Variants in DCTN3 observed in about 807,000 individuals in gnomAD.
DCTN3 encodes dynactin subunit 3, also known as dynactin 3 (p22).
Under a neutral mutation model 28.4 loss-of-function variants are expected in DCTN3, and 25 were observed. The observed-to-expected ratio is 0.88, with a 90% CI of 0.64 to 1.23. The LOEUF is 1.23. Among genes scored for constraint, DCTN3 ranks in the 50% most tolerant of loss-of-function variants. The probability of loss-of-function intolerance (pLI) is 0.00; values close to 1 mark genes in which losing one functional copy is unlikely to be tolerated. For synonymous variants in DCTN3, 81 were observed against 91.4 expected (o/e 0.89, Z 0.65); for missense variants, 229 against 232.0 (o/e 0.99, Z 0.08).
chr9:34,619,169 G>A (rs1366772151), intron 1 of DCTN3, among the ~76,000 whole-genome samples: 1 of 152,190 alleles, frequency 6.6e-6, no homozygotes, highest in South Asian at 2.1e-4. Context: ...AGATGGAAGA[G>A]TCCAAACAAC....
chr9:34,613,696 GCT>G lies in DCTN3; in HGVS notation c.*84_*85del, dbSNP rs1419961122. 16 of 1,564,148 alleles carry G rather than the reference GCT, an allele frequency of 1.0e-5. No homozygotes were observed. Among genetic ancestry groups the G allele is most frequent in the Non-Finnish European group, 1.3e-5 (15 of 1,150,672 alleles). On this transcript the variant is annotated 3_prime_UTR_variant, in exon 7 of 7. Coordinates refer to ENST00000259632, the MANE Select transcript of DCTN3 (RefSeq NM_007234.5). ...GGGCCTTGAAGCCAATAAATACAAA[GCT>G]TCCTCTGCCTTGTAACAAAGGCAGG...
intron 1 of DCTN3, among the ~76,000 whole-genome samples, chr9:34,620,077 C>G (rs1820517574): frequency 6.6e-6 from 1 of 152,202 alleles, no homozygotes; most frequent in Non-Finnish European, 1.5e-5. Context: ...TATTGAAACT[C>G]TCATTAGTCA....
intron 2 of DCTN3, 59 bp from the exon 3 acceptor site, chr9:34,618,030 G>T (rs1451064376): frequency 2.8e-5 from 44 of 1,546,948 alleles, no homozygotes; most frequent in Non-Finnish European, 3.7e-5. Flanking sequence ...TCTGCCTTAT[G>T]AAGGATGTTT....
chr9:34,618,684 T>G lies in DCTN3; in HGVS notation c.173A>C (p.Tyr58Ser). ...ATCATGGAAGCACTTACTCTTTTTG[T>G]AGAGAATCTTCACCCTCTCCCTCTT... ...SSKRERVKIL[Y>S]KKIEDLIKYL... The change falls in exon 2 of 7, where the codon TAC becomes TCC. Residue 58 changes from tyrosine (Y) to serine (S), a missense_variant. Tyr to Ser is a moderately radical substitution (Grantham distance 144). Transcript: ENST00000259632. 1 of 1,613,932 alleles carries G rather than the reference T, an allele frequency of 6.2e-7. No homozygotes were observed. Among genetic ancestry groups the G allele is most frequent in the Non-Finnish European group, 8.5e-7 (1 of 1,179,822 alleles).
At chr9:34,620,243 C>T (rs920723398) in intron 1 of DCTN3, 126 bp downstream of exon 1, 5 of 869,510 alleles carry the variant, frequency 5.8e-6, no homozygotes, top group Admixed American at 2.2e-5. Flanking sequence ...TGGGAGGTCC[C>T]GGACCTTTGT....
Position 34,617,979 on chromosome 9 carries a change from A to G in DCTN3, c.182-8T>C. On this transcript the variant is annotated splice_polypyrimidine_tract_variant and splice_region_variant and intron_variant, in intron 2 of 6. Coordinates refer to ENST00000259632, the MANE Select transcript of DCTN3 (RefSeq NM_007234.5). The stretch of plus-strand genomic sequence containing the variant: ...ACTTGATCAGATCTTCAACTAGAAA[A>G]GTAGCAAGATGGAAAATGGAATAGG... 6.2e-7 allele frequency: 1 copy of G among 1,612,016 alleles called. No homozygotes were observed. Among genetic ancestry groups the G allele is most frequent in the Non-Finnish European group, 8.5e-7 (1 of 1,178,344 alleles).
chr9:34,614,919 GT>G, intron 4 of DCTN3, 151 bp from the exon 5 acceptor site: 13 of 889,672 alleles, frequency 1.5e-5, no homozygotes, highest in Non-Finnish European at 2.3e-5. Context: ...GGAGGTGGCA[GT>G]GGGGCTCCCT....
rs1287524471 is a variant in DCTN3 at position 34,618,748 on chromosome 9, G to A, written c.109C>T (p.Leu37=). 3.7e-6 allele frequency: 6 copies of A among 1,614,100 alleles called. No individual in the cohort carries two copies. The South Asian group carries it at 5.5e-5, about 15-fold the overall frequency. Residue 37 remains leucine (L), a synonymous_variant, in exon 2 of 7, where the codon CTG becomes TTG. Transcript: ENST00000259632. ...CCCAAAGCCACCTGCACCTTGACCA[G>A]GCCGTCAGCCACCTGTAAGGGAAGT... ...ARGSRKVADG[L]VKVQVALGNI... is the part of the protein sequence containing the mutation.
At chr9:34,613,968 G>C in intron 6 of DCTN3, 74 bp downstream of exon 6, 2 of 1,608,106 alleles carry the variant, frequency 1.2e-6, no homozygotes, top group Admixed American at 1.7e-5. Flanking sequence ...GGATGAGAGA[G>C]AGCTAGAGGT....
Position 34,620,443 on chromosome 9 carries a change from G to A in DCTN3, c.22C>T (p.Gln8Ter). 3 of 1,555,008 alleles carry A rather than the reference G, an allele frequency of 1.9e-6. No individual in the cohort carries two copies. Among genetic ancestry groups the A allele is most frequent in the Non-Finnish European group, 2.6e-6 (3 of 1,150,018 alleles). ...TCTTCCACTCGGGCCTGTAGCCGCT[G>A]CAAGTCAGTCAGACCCGCCATCGCT... MAGLTDL[Q>*]RLQARVEELE... The change falls in exon 1 of 7, where the codon CAG (glutamine) becomes TAG (stop). Residue 8 changes from glutamine (Q) to a stop codon, truncating the protein, a stop_gained. Coordinates refer to ENST00000259632, the MANE Select transcript of DCTN3 (RefSeq NM_007234.5). LOFTEE classifies it high-confidence loss of function.
At chr9:34,613,958 GGAT>G (rs1820361602) in intron 6 of DCTN3, 81 bp downstream of exon 6, 1 of 1,610,672 alleles carries the variant, frequency 6.2e-7, no homozygotes, top group East Asian at 2.2e-5. Flanking sequence ...GGGTAGGATA[GGAT>G]GAGAGAGAGC....
Position 34,616,114 on chromosome 9 carries a change from C to T in DCTN3, c.269-1G>A, listed in dbSNP as rs1159544780. ...ACCTGGGAAAGGATAAACTGCTCCTCTAAAGCAAAAATGGACAAGATAGTT... is the reference window on the plus strand; with the variant it reads ...ACCTGGGAAAGGATAAACTGCTCCTTTAAAGCAAAAATGGACAAGATAGTT... On this transcript the variant is annotated splice_acceptor_variant, in intron 3 of 6. Transcript: ENST00000259632. LOFTEE classifies it high-confidence loss of function. This position sits in a 1 kb window ranked among gnomAD's most constrained non-coding sequence, Gnocchi z 4.7. 6.2e-7 allele frequency: 1 copy of T among 1,613,684 alleles called. No homozygotes were observed.
intron 3 of DCTN3, chr9:34,617,491 C>A: frequency 4.1e-6 from 2 of 485,540 alleles, no homozygotes; most frequent in Non-Finnish European, 6.7e-6. Flanking sequence ...AGCTTTCTCA[C>A]ATGAAAGAAA....
intron 4 of DCTN3, 78 bp downstream of exon 4, chr9:34,615,952 G>T: frequency 1.7e-6 from 2 of 1,191,034 alleles, no homozygotes; most frequent in Non-Finnish European, 1.2e-6. Flanking sequence ...CACACAACCT[G>T]AAACACAGGA....
chr9:34,616,004 G>A lies in DCTN3; in HGVS notation c.352+26C>T. On this transcript the variant is annotated intron_variant, in intron 4 of 6. Transcript: ENST00000259632. This position sits in a 1 kb window ranked among gnomAD's most constrained non-coding sequence, Gnocchi z 4.7. ...TCCACCTACCTCCCCAACCAGAGTA[G>A]TGAAGCTATAACCCCAGAGAGATAC... is the stretch of plus-strand genomic sequence containing the variant. 2 of 1,601,082 alleles carry A rather than the reference G, an allele frequency of 1.2e-6. No individual in the cohort carries two copies. Among genetic ancestry groups the A allele is most frequent in the South Asian group, 2.2e-5 (2 of 90,518 alleles).
intron 5 of DCTN3, chr9:34,614,468 T>C: frequency 3.2e-6 from 2 of 618,214 alleles, no homozygotes; most frequent in East Asian, 5.5e-5. Context: ...AATTCTTGGG[T>C]ACCTCCCAGC....
chr9:34,618,567 T>G, intron 2 of DCTN3, 109 bp downstream of exon 2: 3 of 815,928 alleles, frequency 3.7e-6, no homozygotes, highest in Non-Finnish European at 6.4e-6. Context: ...AATCTTTCTA[T>G]CCCCAAAGGG....
chr9:34,613,869 T>C lies in DCTN3; in HGVS notation c.474A>G (p.Thr158=), dbSNP rs1327296223. 6.2e-7 allele frequency: 1 copy of C among 1,614,116 alleles called. No individual in the cohort carries two copies. The highest frequency in any genetic ancestry group is 2.2e-5 in the East Asian group (1 of 44,888). Residue 158 remains threonine, a splice_region_variant and synonymous_variant, in exon 7 of 7, where the codon ACA becomes ACG. Transcript: ENST00000259632. The part of the protein sequence containing the change: ...KALLEEYNKT[T]MLLSKQFVQW... ...GCACGAATTGCTTGGAGAGAAGCATTGTCTGGTTGTAGGTCAAGGTGAGAA... is the reference window on the plus strand; with the variant it reads ...GCACGAATTGCTTGGAGAGAAGCATCGTCTGGTTGTAGGTCAAGGTGAGAA...
At chr9:34,617,838 G>A (rs1564088097) in intron 3 of DCTN3, 47 bp downstream of exon 3, 11 of 1,610,454 alleles carry the variant, frequency 6.8e-6, no homozygotes, top group East Asian at 4.5e-5. Context: ...TAACCTCCCC[G>A]ACGACCCACA....
Sources: allele counts gnomAD v4.1 joint callset (sites outside exome capture counted in the v4.1 genomes callset), GRCh38; gene constraint gnomAD v4.1.1; non-coding constraint Gnocchi (gnomAD v3.1); transcripts MANE v1.5; gene names NCBI Gene and HGNC (gene_info 2026-07-23, HGNC 2026-07-21).